Variants in BLTP1 observed in about 807,000 individuals in gnomAD.
The protein encoded by BLTP1 is bridge-like lipid transfer protein family member 1, also known as fragile site-associated protein.
chr4:122,187,097 A>C, the BLTP1 span: 1 of 984,402 alleles, frequency 1.0e-6, no homozygotes, highest in East Asian at 1.1e-4. Context: ...TGTCTTATAA[A>C]ATGTCGTATA....
At chr4:122,304,911 CAGCTATCTGA>C in the BLTP1 span, 1 of 1,613,936 alleles carries the variant, frequency 6.2e-7, no homozygotes, top group Non-Finnish European at 8.5e-7. Flanking sequence ...CAGGAAGTAG[CAGCTATCTGA>C]AACTGTTTGG....
At chr4:122,306,400 A>G in the BLTP1 span, 3 of 193,344 alleles carry the variant, frequency 1.6e-5, no homozygotes, top group South Asian at 5.4e-4. Flanking sequence ...GAAGTGGAAT[A>G]CAAAAATAAA....
chr4:122,251,795 G>T, the BLTP1 span, among the ~76,000 whole-genome samples: 1 of 152,032 alleles, frequency 6.6e-6, no homozygotes, highest in Admixed American at 6.6e-5. Context: ...GTTTCCTCAG[G>T]TTCTGTTCTT....
chr4:122,286,737 T>C, the BLTP1 span: 6 of 1,614,008 alleles, frequency 3.7e-6, no homozygotes, highest in Non-Finnish European at 5.1e-6. Context: ...AACTGCCTTC[T>C]AAACAAGGTT....
At chr4:122,336,065 T>G in the BLTP1 span, 1 of 645,780 alleles carries the variant, frequency 1.5e-6, no homozygotes, top group Non-Finnish European at 2.5e-6. Flanking sequence ...ACCTGCTACT[T>G]TTATTATTTT....
chr4:122,216,392 A>G, the BLTP1 span, among the ~76,000 whole-genome samples: 1 of 152,222 alleles, frequency 6.6e-6, no homozygotes, highest in South Asian at 2.1e-4. Flanking sequence ...GCAGTGTAAA[A>G]GTGTTCCCTT....
At chr4:122,186,143 C>G in the BLTP1 span, 11 of 1,611,892 alleles carry the variant, frequency 6.8e-6, no homozygotes, top group Non-Finnish European at 9.3e-6. Context: ...TGGTTTGGAG[C>G]CAACAATAAT....
chr4:122,251,010 CTTTTTA>C, the BLTP1 span: 115 of 984,938 alleles, frequency 1.2e-4, no homozygotes, highest in Non-Finnish European at 1.3e-4. Flanking sequence ...ATTCAACTCA[CTTTTTA>C]TTTTTATTAT....
chr4:122,237,683 C>G, the BLTP1 span: 2 of 701,868 alleles, frequency 2.8e-6, no homozygotes, highest in Non-Finnish European at 3.5e-6. Context: ...AAACGTTTAA[C>G]AAATTGCTAT....
At chr4:122,268,041 A>G in the BLTP1 span, among the ~76,000 whole-genome samples, 13 of 152,260 alleles carry the variant, frequency 8.5e-5, no homozygotes, top group South Asian at 6.2e-4. Context: ...GCTTTTCACA[A>G]TAGTCTTATA....
At chr4:122,260,861 G>T in the BLTP1 span, among the ~76,000 whole-genome samples, 1 of 152,090 alleles carries the variant, frequency 6.6e-6, no homozygotes, top group African/African-American at 2.4e-5. Flanking sequence ...AGCGTACACT[G>T]ATATAGATGC....
chr4:122,166,257 G>A, the BLTP1 span, among the ~76,000 whole-genome samples: 1 of 152,128 alleles, frequency 6.6e-6, no homozygotes. Flanking sequence ...TGTATAAGGT[G>A]TAAGGAAGGG....
the BLTP1 span, chr4:122,346,618 A>G: frequency 1.1e-5 from 18 of 1,610,172 alleles, no homozygotes; most frequent in Non-Finnish European, 1.5e-5. Context: ...TTATTTATGT[A>G]TCAGCTGTTT....
chr4:122,331,234 C>T, the BLTP1 span: 3 of 1,454,504 alleles, frequency 2.1e-6, no homozygotes, highest in South Asian at 2.9e-5. Context: ...AATTTATTTA[C>T]AGACTGTTGC....
chr4:122,264,562 A>G, the BLTP1 span: 1 of 640,958 alleles, frequency 1.6e-6, no homozygotes, highest in Non-Finnish European at 2.3e-6. Context: ...CCTTCATGCA[A>G]AACAGGAGGA....
At chr4:122,344,241 C>A in the BLTP1 span, 1 of 929,362 alleles carries the variant, frequency 1.1e-6, no homozygotes, top group Non-Finnish European at 1.5e-6. Context: ...CTCATTAGAT[C>A]CCTCTGCTTA....
chr4:122,240,014 T>C, the BLTP1 span: 24 of 1,614,046 alleles, frequency 1.5e-5, 2 homozygotes, highest in South Asian at 2.5e-4. Flanking sequence ...TTACTGGACA[T>C]GGAGAAAGCA....
the BLTP1 span, chr4:122,264,481 A>G: frequency 8.9e-6 from 13 of 1,457,460 alleles, no homozygotes; most frequent in Non-Finnish European, 1.2e-5. Flanking sequence ...GGCATTGCTT[A>G]GCAACTGGAA....
chr4:122,200,957 A>G, the BLTP1 span: 1 of 1,588,258 alleles, frequency 6.3e-7, no homozygotes, highest in Non-Finnish European at 8.5e-7. Flanking sequence ...TGCTGTTCAC[A>G]CAGTGTCACA....
Sources: gnomAD v4.1 joint callset for allele counts (sites outside exome capture counted in the v4.1 genomes callset) on GRCh38, gnomAD v4.1.1 for gene constraint, MANE v1.5 for transcripts, NCBI Gene and HGNC (gene_info 2026-07-23, HGNC 2026-07-21) for gene names.